The following CENPN variants were observed in gnomAD, a reference collection of about 807,000 sequenced individuals.
CENPN encodes interphase centromere complex protein 32.
In CENPN, 36 loss-of-function variants were observed where a neutral mutation model predicts 48.6. That is an observed-to-expected ratio of 0.74 (90% CI 0.57 to 0.98). CENPN has a LOEUF of 0.98. CENPN is among the 50% of genes least tolerant of loss of function. The pLI is 0.00. For synonymous variants in CENPN, 166 were observed against 135.2 expected (o/e 1.23, Z -1.58); for missense variants, 439 against 399.2 (o/e 1.10, Z -0.85).
chr16:81,018,634 A>G (rs1970034021), intron 5 of CENPN, among the ~76,000 whole-genome samples: 1 of 152,162 alleles, frequency 6.6e-6, no homozygotes, highest in African/African-American at 2.4e-5. Flanking sequence ...GAATAAGACA[A>G]TCTTCCATTC....
At position 81,030,371 on chromosome 16, in the gene CENPN, A is replaced by G. The variant is rs1419176397; in HGVS notation, c.*1720A>G. The G allele has an allele frequency of 1.0e-6, 1 of 985,018 alleles. No homozygotes were observed. The highest frequency in any genetic ancestry group is 1.7e-5 in the African/African-American group (1 of 57,256). The allele number at this position is 985,018 out of a possible 1,614,324, so 61.0% of individuals were successfully genotyped here. On this transcript the variant is annotated 3_prime_UTR_variant, in exon 11 of 11. Coordinates refer to ENST00000305850, the MANE Select transcript of CENPN (RefSeq NM_001100624.3). The stretch of plus-strand genomic sequence containing the variant: ...CACTTCAGGAGGTTTCTCCTAGTGT[A>G]CTCTCACACTTCTGATACCAGATAT...
chr16:81,015,055 C>A (rs1040045359), intron 3 of CENPN, among the ~76,000 whole-genome samples: 2 of 152,192 alleles, frequency 1.3e-5, no homozygotes, highest in African/African-American at 2.4e-5. Context: ...ATTATTTTCA[C>A]CTCAAGGTGG....
At chr16:81,021,889 G>C (rs925450675) in intron 6 of CENPN, among the ~76,000 whole-genome samples, 20 of 151,992 alleles carry the variant, frequency 1.3e-4, no homozygotes, top group Admixed American at 7.9e-4. Flanking sequence ...CAAGTAGCTG[G>C]GACTACAAGC....
intron 8 of CENPN, among the ~76,000 whole-genome samples, chr16:81,026,143 G>GTGTA (rs1555522755): frequency 7.0e-5 from 10 of 143,216 alleles, no homozygotes; most frequent in Admixed American, 1.4e-4. Context: ...ATATATATAT[G>GTGTA]TATATATATA....
chr16:81,020,500 C>G, intron 6 of CENPN: 1 of 393,734 alleles, frequency 2.5e-6, no homozygotes, highest in Non-Finnish European at 4.5e-6. Flanking sequence ...AACACCCCAC[C>G]TCTAAAAAAA....
intron 7 of CENPN, 177 bp downstream of exon 7, chr16:81,022,875 T>A: frequency 6.2e-7 from 1 of 1,609,936 alleles, no homozygotes; most frequent in Non-Finnish European, 8.5e-7. Context: ...CTCACAGTCA[T>A]CTTTTTATAA....
intron 6 of CENPN, 24 bp from the exon 7 acceptor site, chr16:81,022,573 A>T: frequency 6.3e-7 from 1 of 1,589,632 alleles, no homozygotes; most frequent in Non-Finnish European, 8.6e-7. Flanking sequence ...TCCTAGTAAT[A>T]GTCTTGCAAA....
chr16:81,027,324 C>T (rs1160328307), intron 9 of CENPN, among the ~76,000 whole-genome samples: 3 of 152,036 alleles, frequency 2.0e-5, no homozygotes. Flanking sequence ...AACCCTGTGT[C>T]TACAAAAATT....
At chr16:81,012,562 C>G (rs78228576) in intron 2 of CENPN, among the ~76,000 whole-genome samples, 1 of 152,036 alleles carries the variant, frequency 6.6e-6, no homozygotes, top group Non-Finnish European at 1.5e-5. Flanking sequence ...TTTCTTATTC[C>G]AATATACCCG....
chr16:81,023,057 TG>T, intron 7 of CENPN: 1 of 562,410 alleles, frequency 1.8e-6, no homozygotes, highest in South Asian at 2.1e-5. Context: ...ATTAACTTTT[TG>T]TCCCATCACT....
intron 7 of CENPN, 82 bp downstream of exon 7, chr16:81,022,780 A>T: frequency 6.2e-7 from 1 of 1,614,030 alleles, no homozygotes; most frequent in East Asian, 2.2e-5. Context: ...GGGAAAATCT[A>T]CCTCCGACAA....
At chr16:81,012,327 T>C (rs1298973587) in intron 2 of CENPN, among the ~76,000 whole-genome samples, 1 of 152,170 alleles carries the variant, frequency 6.6e-6, no homozygotes, top group Non-Finnish European at 1.5e-5. Context: ...AAAAAGTAAA[T>C]ATAGTAGAAA....
At position 81,029,614 on chromosome 16, in the gene CENPN, C is replaced by T. The variant is rs148693197; in HGVS notation, c.*963C>T. On this transcript the variant is annotated 3_prime_UTR_variant, in exon 11 of 11. Coordinates refer to ENST00000305850, the MANE Select transcript of CENPN (RefSeq NM_001100624.3). ...TTTTTTGAGACAAGTCTCCTTCTATCGCCCAGGCTGGAGTGCAATGGCACA... is the reference window on the plus strand; with the variant it reads ...TTTTTTGAGACAAGTCTCCTTCTATTGCCCAGGCTGGAGTGCAATGGCACA... Among the ~76,000 whole-genome samples the T allele has an allele frequency of 3.7e-4, 56 of 152,022 alleles. No homozygotes were observed. The highest frequency in any genetic ancestry group is 1.3e-3 in the African/African-American group (52 of 41,470).
At chr16:81,007,747 T>C (rs1001219182) in intron 1 of CENPN, among the ~76,000 whole-genome samples, 3 of 152,184 alleles carry the variant, frequency 2.0e-5, no homozygotes, top group Admixed American at 6.5e-5. Context: ...TTTTTGATCA[T>C]GCGTTCCACA....
At chr16:81,012,226 G>A in intron 2 of CENPN, 116 bp downstream of exon 2, 1 of 857,572 alleles carries the variant, frequency 1.2e-6, no homozygotes, top group Non-Finnish European at 1.8e-6. Flanking sequence ...CTAGTGAAGT[G>A]ATGAGGGCTA....
chr16:81,009,246 A>C (rs1226586082), intron 1 of CENPN, among the ~76,000 whole-genome samples: 1 of 152,218 alleles, frequency 6.6e-6, no homozygotes, highest in African/African-American at 2.4e-5. Flanking sequence ...TTAGCAGTGG[A>C]GAGTGGGGAA....
chr16:81,027,251 G>A (rs1970543860), intron 9 of CENPN, among the ~76,000 whole-genome samples: 2 of 152,146 alleles, frequency 1.3e-5, no homozygotes, highest in African/African-American at 4.8e-5. Flanking sequence ...AGCACTTTGG[G>A]AGGCTGAGGC....
intron 1 of CENPN, among the ~76,000 whole-genome samples, chr16:81,009,193 G>C (rs567321468): frequency 6.6e-6 from 1 of 152,248 alleles, no homozygotes; most frequent in East Asian, 1.9e-4. Flanking sequence ...CTCTAATGTG[G>C]GTGACCCAGC....
intron 2 of CENPN, among the ~76,000 whole-genome samples, chr16:81,013,358 G>A (rs574702064): frequency 3.3e-5 from 5 of 152,326 alleles, no homozygotes; most frequent in South Asian, 4.1e-4. Context: ...GCAGATCAGC[G>A]TTTGCCTTAG....
Sources: allele counts gnomAD v4.1 joint callset (sites outside exome capture counted in the v4.1 genomes callset), GRCh38; gene constraint gnomAD v4.1.1; transcripts MANE v1.5; gene names NCBI Gene and HGNC (gene_info 2026-07-23, HGNC 2026-07-21).